ERBIN: variants seen among roughly 807,000 people sequenced by gnomAD.
ERBIN encodes erbb2 interacting protein, also known as densin-180-like protein.
ERBIN carries 60 observed loss-of-function variants against 158.4 expected under a neutral mutation model. The ratio of observed to expected loss-of-function variants is 0.38; its 90% confidence interval spans 0.31 to 0.47. The LOEUF (loss-of-function observed/expected upper bound fraction) is 0.47. ERBIN is among the 20% of genes least tolerant of loss of function. The pLI is 0.99. For synonymous variants in ERBIN, 594 were observed against 557.2 expected (o/e 1.07, Z -0.93); for missense variants, 1,610 against 1,648.0 (o/e 0.98, Z 0.40).
At chr5:66,003,322 A>C (rs773447008) in intron 4 of ERBIN, among the ~76,000 whole-genome samples, 1 of 152,102 alleles carries the variant, frequency 6.6e-6, no homozygotes, top group Non-Finnish European at 1.5e-5. Flanking sequence ...GCAAAAACTC[A>C]TATTATTGGG....
intron 14 of ERBIN, among the ~76,000 whole-genome samples, chr5:66,031,310 A>G (rs1328675329): frequency 1.3e-5 from 2 of 152,218 alleles, no homozygotes; most frequent in Admixed American, 1.3e-4. Flanking sequence ...TTATTTATTA[A>G]TTTATTCCCT....
At chr5:66,010,455 C>G (rs1754086394) in intron 4 of ERBIN, among the ~76,000 whole-genome samples, 1 of 152,064 alleles carries the variant, frequency 6.6e-6, no homozygotes, top group Admixed American at 6.6e-5. Context: ...TTTTAATTGC[C>G]ATGTGTCTTG....
chr5:65,997,126 A>G (rs1258782027), intron 4 of ERBIN, among the ~76,000 whole-genome samples: 1 of 152,134 alleles, frequency 6.6e-6, no homozygotes, highest in African/African-American at 2.4e-5. Context: ...TTCTCTGGGT[A>G]GGACTTAAGT....
chr5:65,993,019 T>C, intron 3 of ERBIN, 112 bp downstream of exon 3: 2 of 851,270 alleles, frequency 2.3e-6, no homozygotes, highest in Non-Finnish European at 3.4e-6. Context: ...TTGAATTTTT[T>C]GGTTTAATTG....
At chr5:65,960,560 G>T (rs1314533565) in intron 1 of ERBIN, among the ~76,000 whole-genome samples, 1 of 152,176 alleles carries the variant, frequency 6.6e-6, no homozygotes, top group African/African-American at 2.4e-5. Context: ...GTTGGCCTGG[G>T]CATAGATGAT....
intron 21 of ERBIN, among the ~76,000 whole-genome samples, chr5:66,066,783 G>A (rs1761046652): frequency 6.6e-6 from 1 of 152,190 alleles, no homozygotes; most frequent in Non-Finnish European, 1.5e-5. Context: ...CTATCAGTAT[G>A]TAATGAACAA....
intron 4 of ERBIN, among the ~76,000 whole-genome samples, chr5:66,005,766 G>A (rs1386757248): frequency 1.3e-5 from 2 of 152,162 alleles, no homozygotes; most frequent in Non-Finnish European, 2.9e-5. Context: ...CAGACAAACA[G>A]CCAAATCATG....
chr5:66,082,363 A>G lies in ERBIN; in HGVS notation c.*3833A>G, dbSNP rs1762420719. 1 of 152,216 alleles carries G rather than the reference A, an allele frequency of 6.6e-6. No individual in the cohort carries two copies. The highest frequency in any genetic ancestry group is 6.5e-5 in the Admixed American group (1 of 15,288). 9.4% of individuals were successfully genotyped at this position (152,216 alleles called of 1,614,324 possible). On this transcript the variant is annotated 3_prime_UTR_variant, in exon 26 of 26. Transcript: ENST00000284037. ...TCCTTCTGTTACAACTTTCTTTTCT[A>G]ATGTAACAACCAGGGACAATGGTGA...
intron 1 of ERBIN, among the ~76,000 whole-genome samples, chr5:65,940,945 G>A (rs924509907): frequency 6.6e-6 from 1 of 152,134 alleles, no homozygotes; most frequent in Non-Finnish European, 1.5e-5. Context: ...GGTAGACACG[G>A]GAGACTTTTC....
intron 4 of ERBIN, among the ~76,000 whole-genome samples, chr5:65,998,770 G>T (rs1752707312): frequency 6.6e-6 from 1 of 151,854 alleles, no homozygotes. Flanking sequence ...GGTGGCATGT[G>T]CCTGTGGTTC....
chr5:66,040,886 T>C (rs1757862339), intron 15 of ERBIN, among the ~76,000 whole-genome samples: 1 of 150,860 alleles, frequency 6.6e-6, no homozygotes, highest in Non-Finnish European at 1.5e-5. Flanking sequence ...TAAAGGTAGA[T>C]AGTGATGAAT....
intron 18 of ERBIN, 98 bp from the exon 19 acceptor site, chr5:66,048,569 A>G (rs1758691022): frequency 1.4e-6 from 1 of 704,046 alleles, no homozygotes; most frequent in South Asian, 1.8e-5. Context: ...ATATGTGTTT[A>G]TAATATTTGT....
intron 21 of ERBIN, among the ~76,000 whole-genome samples, chr5:66,058,923 G>A (rs1443622757): frequency 7.2e-5 from 11 of 152,282 alleles, no homozygotes; most frequent in South Asian, 2.1e-4. Flanking sequence ...GTACCGTGCC[G>A]TTTTGGTTAC....
intron 21 of ERBIN, among the ~76,000 whole-genome samples, chr5:66,056,774 A>AG (rs773396457): frequency 2.0e-5 from 3 of 152,100 alleles, no homozygotes; most frequent in Non-Finnish European, 2.9e-5. Flanking sequence ...TGAAGTTACG[A>AG]GGGGTGCTTG....
chr5:65,955,351 C>T (rs926171612), intron 1 of ERBIN, among the ~76,000 whole-genome samples: 2 of 152,046 alleles, frequency 1.3e-5, no homozygotes, highest in Non-Finnish European at 1.5e-5. Flanking sequence ...TCTGAGGGGC[C>T]GGGGATGGTG....
chr5:66,031,492 A>G (rs989026275), intron 14 of ERBIN, among the ~76,000 whole-genome samples: 13 of 152,212 alleles, frequency 8.5e-5, no homozygotes, highest in African/African-American at 2.9e-4. Context: ...TGTAAAGGCA[A>G]ATTTCTCAGA....
intron 4 of ERBIN, among the ~76,000 whole-genome samples, chr5:66,000,933 A>T (rs73766309): frequency 0.04 from 6,095 of 152,174 alleles, 409 homozygotes; most frequent in African/African-American, 0.14. Flanking sequence ...ATTTTACCTT[A>T]AGAGAGCTGA....
At chr5:65,963,178 A>G (rs992918868) in intron 1 of ERBIN, among the ~76,000 whole-genome samples, 1 of 152,172 alleles carries the variant, frequency 6.6e-6, no homozygotes, top group East Asian at 1.9e-4. Context: ...ATTCTCATAG[A>G]TCCATCCAAA....
chr5:65,962,079 T>A (rs1747989215), intron 1 of ERBIN, among the ~76,000 whole-genome samples: 1 of 152,210 alleles, frequency 6.6e-6, no homozygotes, highest in Admixed American at 6.5e-5. Context: ...TCGCATTTTT[T>A]AAAGCTATGT....
Sources: allele counts gnomAD v4.1 joint callset (sites outside exome capture counted in the v4.1 genomes callset), GRCh38; gene constraint gnomAD v4.1.1; transcripts MANE v1.5; gene names NCBI Gene and HGNC (gene_info 2026-07-23, HGNC 2026-07-21).